The following PBX3 variants were observed in gnomAD, a reference collection of about 807,000 sequenced individuals.
PBX3 encodes the protein pre-B-cell leukemia transcription factor 3.
A neutral mutation model predicts 48.5 loss-of-function variants in PBX3; 14 were observed. The observed-to-expected ratio is 0.29, with a 90% CI of 0.19 to 0.45. The LOEUF is 0.45. PBX3 is among the 20% of genes least tolerant of loss of function. The pLI, the probability that PBX3 is intolerant of heterozygous loss-of-function variation, is 1.00. For synonymous variants in PBX3, 210 were observed against 200.3 expected (o/e 1.05, Z -0.41); for missense variants, 386 against 546.7 (o/e 0.71, Z 2.93).
At chr9:125,927,749 A>G (rs991613203) in intron 3 of PBX3, among the ~76,000 whole-genome samples, 7 of 152,252 alleles carry the variant, frequency 4.6e-5, no homozygotes, top group Non-Finnish European at 1.5e-5. Context: ...CAAAGAGAAT[A>G]TAGATGAAGT....
chr9:125,838,947 AG>A (rs1293067409), intron 2 of PBX3, among the ~76,000 whole-genome samples: 1 of 152,210 alleles, frequency 6.6e-6, no homozygotes. Context: ...GCCAAGGTAG[AG>A]GAAAAAGTGA....
chr9:125,780,767 C>A (rs1277359995), intron 2 of PBX3, among the ~76,000 whole-genome samples: 2 of 124,062 alleles, frequency 1.6e-5, no homozygotes, highest in African/African-American at 6.2e-5. Flanking sequence ...GCTGGCCGGG[C>A]GGGGGGCTGA....
At chr9:125,778,600 C>CT (rs1290812254) in intron 2 of PBX3, among the ~76,000 whole-genome samples, 1 of 81,102 alleles carries the variant, frequency 1.2e-5, no homozygotes, top group African/African-American at 4.8e-5. Flanking sequence ...TTTTGTTGAT[C>CT]TTTTCTTTTT....
chr9:125,895,005 G>T (rs749028599), intron 2 of PBX3, among the ~76,000 whole-genome samples: 1 of 152,048 alleles, frequency 6.6e-6, no homozygotes, highest in Non-Finnish European at 1.5e-5. Flanking sequence ...ATTTAAACAG[G>T]CAGAATGGGT....
At chr9:125,847,218 G>T (rs1387261469) in intron 2 of PBX3, among the ~76,000 whole-genome samples, 1 of 151,680 alleles carries the variant, frequency 6.6e-6, no homozygotes, top group Non-Finnish European at 1.5e-5. Flanking sequence ...AGTTTATTTG[G>T]GGTAGCAAAA....
chr9:125,936,758 A>G (rs1841844546), intron 5 of PBX3, among the ~76,000 whole-genome samples: 1 of 152,166 alleles, frequency 6.6e-6, no homozygotes, highest in Admixed American at 6.5e-5. Context: ...ATGAAATGGT[A>G]TATCTTGATT....
At chr9:125,943,963 C>T (rs1588324463) in intron 5 of PBX3, among the ~76,000 whole-genome samples, 1 of 152,222 alleles carries the variant, frequency 6.6e-6, no homozygotes, top group African/African-American at 2.4e-5. Flanking sequence ...CACTCTTCTC[C>T]CTTCCCATCT....
At chr9:125,859,994 A>G (rs1839820587) in intron 2 of PBX3, among the ~76,000 whole-genome samples, 1 of 152,212 alleles carries the variant, frequency 6.6e-6, no homozygotes, top group Admixed American at 6.5e-5. Context: ...TTGGGCTTAA[A>G]TCTCCTATGG....
chr9:125,801,212 C>A (rs1358917871), intron 2 of PBX3, among the ~76,000 whole-genome samples: 2 of 152,124 alleles, frequency 1.3e-5, no homozygotes, highest in Non-Finnish European at 2.9e-5. Flanking sequence ...CAATGAAATA[C>A]CTTGCATATC....
chr9:125,962,946 T>C, intron 7 of PBX3, 66 bp from the exon 8 acceptor site: 1 of 814,576 alleles, frequency 1.2e-6, no homozygotes, highest in Admixed American at 2.2e-5. Flanking sequence ...TCAAATTATT[T>C]CCTTTTGTAA....
chr9:125,832,902 C>A (rs925541850), intron 2 of PBX3, among the ~76,000 whole-genome samples: 2 of 152,142 alleles, frequency 1.3e-5, no homozygotes, highest in Admixed American at 6.5e-5. Context: ...TTCCTTGTCA[C>A]CTGCTTTTGT....
chr9:125,837,731 C>T (rs1293282982), intron 2 of PBX3, among the ~76,000 whole-genome samples: 1 of 152,064 alleles, frequency 6.6e-6, no homozygotes, highest in Non-Finnish European at 1.5e-5. Context: ...GCTGGGACTA[C>T]AGGCACCTGC....
chr9:125,835,832 G>A (rs1399794942), intron 2 of PBX3, among the ~76,000 whole-genome samples: 13 of 152,116 alleles, frequency 8.5e-5, no homozygotes, highest in Admixed American at 7.9e-4. Flanking sequence ...ATATGATCTG[G>A]TAATCACCCT....
intron 2 of PBX3, among the ~76,000 whole-genome samples, chr9:125,910,978 A>C (rs1249727752): frequency 6.6e-6 from 1 of 151,724 alleles, no homozygotes; most frequent in East Asian, 1.9e-4. Flanking sequence ...GTCAGTCCTT[A>C]CTTAAGGGTC....
chr9:125,759,944 A>G lies in PBX3; in HGVS notation c.274+11321A>G, dbSNP rs899816941. 1.2e-4 allele frequency among the ~76,000 whole-genome samples: 19 copies of G among 152,232 alleles called. No individual in the cohort carries two copies. Among genetic ancestry groups the G allele is most frequent in the Non-Finnish European group, 1.5e-4 (10 of 68,036 alleles). Reference sequence around the variant, plus strand: ...CGATTGATTGGATTTGAGGGTTACAATTGTGGGAGCACTGCTGTTGTCAAG... The same window carrying G: ...CGATTGATTGGATTTGAGGGTTACAGTTGTGGGAGCACTGCTGTTGTCAAG... On this transcript the variant is annotated intron_variant, in intron 2 of 8. Coordinates refer to ENST00000373489, the MANE Select transcript of PBX3 (RefSeq NM_006195.6). The surrounding 1 kb of genome is among the most constrained non-coding windows in gnomAD (Gnocchi z 4.2).
chr9:125,890,754 A>G (rs1588265205), intron 2 of PBX3, among the ~76,000 whole-genome samples: 2 of 152,252 alleles, frequency 1.3e-5, no homozygotes, highest in Non-Finnish European at 2.9e-5. Flanking sequence ...GTATGTTTGC[A>G]AGGAATGACT....
intron 2 of PBX3, among the ~76,000 whole-genome samples, chr9:125,824,307 C>T (rs1433150438): frequency 6.6e-6 from 1 of 152,166 alleles, no homozygotes; most frequent in African/African-American, 2.4e-5. Flanking sequence ...GTCTCTGTAC[C>T]TGTTGATCTG....
intron 2 of PBX3, among the ~76,000 whole-genome samples, chr9:125,754,883 T>A (rs1836470729): frequency 6.6e-6 from 1 of 152,112 alleles, no homozygotes; most frequent in East Asian, 1.9e-4. Flanking sequence ...ATTAAAAATA[T>A]TTATGGATAA....
At chr9:125,924,524 T>G (rs1841528178) in intron 3 of PBX3, among the ~76,000 whole-genome samples, 1 of 152,240 alleles carries the variant, frequency 6.6e-6, no homozygotes, top group Non-Finnish European at 1.5e-5. Context: ...TGAAACCGTG[T>G]CAGTTAACTT....
Sources: gnomAD v4.1 joint callset for allele counts (sites outside exome capture counted in the v4.1 genomes callset) on GRCh38, gnomAD v4.1.1 for gene constraint, Gnocchi (gnomAD v3.1) non-coding constraint, MANE v1.5 for transcripts, NCBI Gene and HGNC (gene_info 2026-07-23, HGNC 2026-07-21) for gene names.